The following ZNF804B variants were observed in gnomAD, a reference collection of about 807,000 sequenced individuals.
The protein encoded by ZNF804B is zinc finger 804B.
A neutral mutation model predicts 101.4 loss-of-function variants in ZNF804B; 80 were observed. That is an observed-to-expected ratio of 0.79 (90% CI 0.66 to 0.95). The LOEUF (loss-of-function observed/expected upper bound fraction) is 0.95. ZNF804B is among the 40% of genes least tolerant of loss of function. ZNF804B has a pLI of 0.00. For synonymous variants in ZNF804B, 622 were observed against 558.8 expected (o/e 1.11, Z -1.59); for missense variants, 1,673 against 1,561.9 (o/e 1.07, Z -1.20).
intron 1 of ZNF804B, among the ~76,000 whole-genome samples, chr7:89,204,130 A>G (rs528580997): frequency 3.7e-4 from 56 of 152,356 alleles, no homozygotes; most frequent in Non-Finnish European, 6.3e-4. Context: ...GCAACTTTCC[A>G]GAAAACTTAG....
At chr7:89,015,521 G>A (rs1788536986) in intron 1 of ZNF804B, among the ~76,000 whole-genome samples, 1 of 148,558 alleles carries the variant, frequency 6.7e-6, no homozygotes, top group South Asian at 2.2e-4. Context: ...AGAGTGTAAT[G>A]TTCCCCTTCC....
intron 1 of ZNF804B, among the ~76,000 whole-genome samples, chr7:88,848,733 G>A (rs536256709): frequency 1.3e-5 from 2 of 151,654 alleles, no homozygotes; most frequent in South Asian, 2.1e-4. Context: ...AAAAAGTTTC[G>A]GGGACAAGAA....
At position 89,336,083 on chromosome 7, in the gene ZNF804B, T is replaced by C. The variant is rs766248855; in HGVS notation, c.3101T>C (p.Val1034Ala). The change falls in exon 4 of 4, where the codon GTA (valine) becomes GCA (alanine). Residue 1034 changes from valine to alanine, a missense_variant. Physicochemically the swap from Val to Ala is moderately conservative, Grantham distance 64 (BLOSUM62 0). Coordinates refer to ENST00000333190, the MANE Select transcript of ZNF804B (RefSeq NM_181646.5). ...CTTTCTAAAGGTATAATTCACCTAGTAACAGAGTCTCAGTCACTAAACATA... is the reference window on the plus strand; with the variant it reads ...CTTTCTAAAGGTATAATTCACCTAGCAACAGAGTCTCAGTCACTAAACATA... The part of the protein sequence containing the change: ...NHLSKGIIHL[V>A]TESQSLNIKR... The C allele has an allele frequency of 6.2e-6, 10 of 1,613,830 alleles. No individual in the cohort carries two copies. In the African/African-American group the frequency reaches 9.3e-5, roughly 15 times the overall value.
intron 1 of ZNF804B, among the ~76,000 whole-genome samples, chr7:89,014,608 G>T (rs983317878): frequency 6.6e-6 from 1 of 152,148 alleles, no homozygotes; most frequent in Admixed American, 6.5e-5. Context: ...GAGCCACCGC[G>T]CCCAGCGATT....
At chr7:88,811,313 C>G (rs1257298785) in intron 1 of ZNF804B, among the ~76,000 whole-genome samples, 2 of 152,172 alleles carry the variant, frequency 1.3e-5, no homozygotes, top group Non-Finnish European at 2.9e-5. Context: ...GATACAATTT[C>G]ACACCAGTCA....
At chr7:89,198,289 C>G (rs923702766) in intron 1 of ZNF804B, among the ~76,000 whole-genome samples, 1 of 151,780 alleles carries the variant, frequency 6.6e-6, no homozygotes, top group African/African-American at 2.4e-5. Flanking sequence ...TCTAGACATT[C>G]TTTTAGTTAG....
chr7:89,031,236 GA>G (rs549764211), intron 1 of ZNF804B, among the ~76,000 whole-genome samples: 25 of 142,436 alleles, frequency 1.8e-4, no homozygotes, highest in African/African-American at 4.6e-4. Context: ...TCAGAAATAG[GA>G]AAAAAAAAAC....
intron 1 of ZNF804B, among the ~76,000 whole-genome samples, chr7:88,820,265 TA>T (rs1352959851): frequency 2.6e-5 from 4 of 152,156 alleles, no homozygotes; most frequent in East Asian, 3.9e-4. Context: ...GTCAAATGTC[TA>T]AAAAAATACA....
chr7:88,811,543 A>G (rs73198691), intron 1 of ZNF804B, among the ~76,000 whole-genome samples: 26,245 of 152,158 alleles, frequency 0.17, 2,342 homozygotes, highest in African/African-American at 0.24. Context: ...CTGCAGCACT[A>G]TTTACAATAT....
intron 1 of ZNF804B, among the ~76,000 whole-genome samples, chr7:88,931,974 C>A (rs74298128): frequency 0.057 from 8,627 of 151,012 alleles, 329 homozygotes; most frequent in East Asian, 0.15. Flanking sequence ...TTCTGTCTGC[C>A]CTTCTAAGTT....
chr7:88,872,668 G>A (rs1562818813), intron 1 of ZNF804B, among the ~76,000 whole-genome samples: 1 of 149,476 alleles, frequency 6.7e-6, no homozygotes, highest in Non-Finnish European at 1.5e-5. Flanking sequence ...CCCTTCCTGT[G>A]TCCATGTGTT....
Position 89,230,551 on chromosome 7 carries a change from C to T in ZNF804B, c.249+12256C>T, listed in dbSNP as rs141561231. On this transcript the variant is annotated intron_variant, in intron 2 of 3. Coordinates refer to ENST00000333190, the MANE Select transcript of ZNF804B (RefSeq NM_181646.5). Reference sequence around the variant, plus strand: ...TAAGTATGTAAATAAGTAAATAAGACGGTATGGTATCGTCAAGAGAATAGA... The same window carrying T: ...TAAGTATGTAAATAAGTAAATAAGATGGTATGGTATCGTCAAGAGAATAGA... 3.5e-4 allele frequency among the ~76,000 whole-genome samples: 53 copies of T among 152,128 alleles called. No homozygotes were observed. In the East Asian group the frequency reaches 9.2e-3, roughly 27 times the overall value.
At chr7:89,170,443 T>A (rs1196724321) in intron 1 of ZNF804B, among the ~76,000 whole-genome samples, 1 of 152,220 alleles carries the variant, frequency 6.6e-6, no homozygotes, top group East Asian at 1.9e-4. Flanking sequence ...TCTTTGTTAA[T>A]AAACCTATGA....
chr7:88,859,301 C>A (rs915952876), intron 1 of ZNF804B, among the ~76,000 whole-genome samples: 1 of 151,970 alleles, frequency 6.6e-6, no homozygotes, highest in Non-Finnish European at 1.5e-5. Flanking sequence ...TCATCAGATA[C>A]AACTAATGAG....
chr7:89,113,763 C>T (rs1790259366), intron 1 of ZNF804B, among the ~76,000 whole-genome samples: 2 of 151,978 alleles, frequency 1.3e-5, no homozygotes, highest in South Asian at 4.1e-4. Context: ...CCATCCTGGC[C>T]AACATAGTGA....
intron 1 of ZNF804B, among the ~76,000 whole-genome samples, chr7:88,992,857 T>G (rs1036868003): frequency 6.6e-5 from 10 of 152,076 alleles, no homozygotes; most frequent in African/African-American, 2.2e-4. Flanking sequence ...TGTAACTCTT[T>G]GTGTATAGTA....
rs544436953 is a variant in ZNF804B, at chr7:88,930,127, G to A, written c.108+170043G>A. On this transcript the variant is annotated intron_variant, in intron 1 of 3. Coordinates refer to ENST00000333190, the MANE Select transcript of ZNF804B (RefSeq NM_181646.5). The stretch of plus-strand genomic sequence containing the variant: ...TTTAGTTTTCAGAATGCACTAGGAG[G>A]TGAATTATAGGTATGGGCACCTATA... 1.1e-4 allele frequency among the ~76,000 whole-genome samples: 16 copies of A among 151,844 alleles called. No individual in the cohort carries two copies. In the East Asian group the frequency reaches 3.1e-3, roughly 29 times the overall value.
intron 1 of ZNF804B, among the ~76,000 whole-genome samples, chr7:89,155,336 C>T (rs183435518): frequency 2.3e-3 from 352 of 152,244 alleles, no homozygotes; most frequent in African/African-American, 7.5e-3. Context: ...GTTCCACTTT[C>T]GAACAGCCTC....
chr7:89,142,925 G>A (rs1790738136), intron 1 of ZNF804B, among the ~76,000 whole-genome samples: 1 of 151,960 alleles, frequency 6.6e-6, no homozygotes, highest in East Asian at 1.9e-4. Flanking sequence ...CAAGTTCAAA[G>A]CAGAGTTTAT....
Sources: gnomAD v4.1 joint callset for allele counts (sites outside exome capture counted in the v4.1 genomes callset) on GRCh38, gnomAD v4.1.1 for gene constraint, MANE v1.5 for transcripts, NCBI Gene and HGNC (gene_info 2026-07-23, HGNC 2026-07-21) for gene names.